ETS2: variants seen among roughly 807,000 people sequenced by gnomAD.
The protein encoded by ETS2 is protein C-ets-2.
ETS2 carries 19 observed loss-of-function variants against 54.9 expected under a neutral mutation model. The observed-to-expected ratio is 0.35, with a 90% CI of 0.24 to 0.51. ETS2 has a LOEUF of 0.51. ETS2 is among the 20% of genes least tolerant of loss of function. The pLI, the probability that ETS2 is intolerant of heterozygous loss-of-function variation, is 0.97. For synonymous variants in ETS2, 219 were observed against 229.3 expected (o/e 0.95, Z 0.41); for missense variants, 417 against 593.0 (o/e 0.70, Z 3.08).
rs1454246531 is a variant in ETS2 at position 38,821,255 on chromosome 21, A to C, written c.1076-331A>C. Among the ~76,000 whole-genome samples, 1 of 152,182 alleles carries C rather than the reference A, an allele frequency of 6.6e-6. No homozygotes were observed. The highest frequency in any genetic ancestry group is 1.9e-4 in the East Asian group (1 of 5,182). ...TAAGGAACAATTAAACCAGATGGGG[A>C]ATTTTAATGCCAAGAGTTGGTGGCC... On this transcript the variant is annotated intron_variant, in intron 8 of 9. Coordinates refer to ENST00000360938, the MANE Select transcript of ETS2 (RefSeq NM_005239.6). The surrounding 1 kb of genome is among the most constrained non-coding windows in gnomAD (Gnocchi z 4.2).
chr21:38,821,581 C>T lies in ETS2; in HGVS notation c.1076-5C>T, dbSNP rs774869625. ...TATGATCCGTCTCCCTCCCTCTCCC[C>T]GCAGGAAGTGGACCTATTCAGCTGT... On this transcript the variant is annotated splice_region_variant and splice_polypyrimidine_tract_variant and intron_variant, in intron 8 of 9. Transcript: ENST00000360938. The surrounding 1 kb of genome is among the most constrained non-coding windows in gnomAD (Gnocchi z 4.2). 2.7e-5 allele frequency: 43 copies of T among 1,594,378 alleles called. No homozygotes were observed. Among genetic ancestry groups the T allele is most frequent in the East Asian group, 4.5e-5 (2 of 44,806 alleles).
chr21:38,811,917 C>T (rs2060915323), intron 2 of ETS2, among the ~76,000 whole-genome samples: 4 of 152,104 alleles, frequency 2.6e-5, no homozygotes, highest in South Asian at 2.1e-4. Flanking sequence ...GTGGCTTGAT[C>T]GTAGTTCACC....
intron 5 of ETS2, among the ~76,000 whole-genome samples, chr21:38,815,225 A>G (rs533561052): frequency 6.6e-6 from 1 of 151,978 alleles, no homozygotes; most frequent in Non-Finnish European, 1.5e-5. Flanking sequence ...TATAGCCACA[A>G]GGTAGTAGCC....
At chr21:38,816,843 G>T (rs2060937302) in intron 5 of ETS2, among the ~76,000 whole-genome samples, 165 bp from the exon 6 acceptor site, 1 of 151,946 alleles carries the variant, frequency 6.6e-6, no homozygotes, top group Non-Finnish European at 1.5e-5. Flanking sequence ...CTCGTTTTTT[G>T]AAAAAGACAG....
In ETS2 at chr21:38,823,076, C is replaced by T. The variant is rs1214598722; in HGVS notation, c.*187C>T. On this transcript the variant is annotated 3_prime_UTR_variant, in exon 10 of 10. Transcript: ENST00000360938. ...CAGGCTGCCTCCCTTGTGGCAGCAACGGCACAGCTAATTCTACTCACAGTG... is the reference window on the plus strand; with the variant it reads ...CAGGCTGCCTCCCTTGTGGCAGCAATGGCACAGCTAATTCTACTCACAGTG... 6.5e-6 allele frequency: 3 copies of T among 460,974 alleles called. No individual in the cohort carries two copies. The highest frequency in any genetic ancestry group is 1.1e-5 in the Non-Finnish European group (3 of 263,514). 28.6% of individuals were successfully genotyped at this position (460,974 alleles called of 1,614,324 possible).
intron 5 of ETS2, among the ~76,000 whole-genome samples, chr21:38,815,931 G>A (rs536922086): frequency 7.5e-6 from 1 of 132,530 alleles, no homozygotes; most frequent in South Asian, 2.7e-4. Flanking sequence ...GTGAGACTCT[G>A]TTGAAAGGAA....
At chr21:38,805,462 TG>T, upstream of ETS2, 1 of 1,288,352 alleles carries the variant, frequency 7.8e-7, no homozygotes, top group South Asian at 1.2e-5. The surrounding 1 kb of genome is among the most constrained non-coding windows in gnomAD (Gnocchi z 5.2). Context: ...GTTAGGGCCT[TG>T]GCCCCAGAGA....
chr21:38,807,588 G>A (rs531342559), intron 1 of ETS2, among the ~76,000 whole-genome samples: 2 of 152,092 alleles, frequency 1.3e-5, no homozygotes, highest in Non-Finnish European at 2.9e-5. Flanking sequence ...ATTTAGTAGA[G>A]CACTTTAATT....
At chr21:38,808,813 A>ACCC (rs2060903478) in intron 1 of ETS2, among the ~76,000 whole-genome samples, 1 of 152,210 alleles carries the variant, frequency 6.6e-6, no homozygotes, top group South Asian at 2.1e-4. Flanking sequence ...AGGTAAGAGC[A>ACCC]CCCAGTGGAG....
At position 38,813,116 on chromosome 21, in the gene ETS2, TAATTGGTTCCTCAGACTTGACA is replaced by T; in HGVS notation, c.184+8_184+29del. The T allele has an allele frequency of 1.3e-6, 2 of 1,583,694 alleles. No homozygotes were observed. The highest frequency in any genetic ancestry group is 1.7e-6 in the Non-Finnish European group (2 of 1,152,112). ...CAGGCTTGGATTCCATTTCTCATGGTAATTGGTTCCTCAGACTTGACAAATTGTGCATGATTTTCCTAAGTAG... is the reference window on the plus strand; with the variant it reads ...CAGGCTTGGATTCCATTTCTCATGGTAATTGTGCATGATTTTCCTAAGTAG... On this transcript the variant is annotated splice_donor_5th_base_variant and intron_variant, in intron 3 of 9. Coordinates refer to ENST00000360938, the MANE Select transcript of ETS2 (RefSeq NM_005239.6).
Position 38,823,167 on chromosome 21 carries a change from G to A in ETS2, c.*278G>A. 3.3e-6 allele frequency: 1 copy of A among 303,238 alleles called. No individual in the cohort carries two copies. Among genetic ancestry groups the A allele is most frequent in the Admixed American group, 5.0e-5 (1 of 19,902 alleles). The allele number at this position is 303,238 out of a possible 1,614,324, so 18.8% of individuals were successfully genotyped here. ...CGTCCTGGCGCCTGGCAGTCCGTGG[G>A]ACGGGATGGTTCTGGCTGTTTGAGA... On this transcript the variant is annotated 3_prime_UTR_variant, in exon 10 of 10. Coordinates refer to ENST00000360938, the MANE Select transcript of ETS2 (RefSeq NM_005239.6).
rs781109403 is a variant in ETS2, at chr21:38,819,569, T to C, written c.878T>C (p.Leu293Pro). 6.2e-6 allele frequency: 10 copies of C among 1,614,156 alleles called. No homozygotes were observed. In the South Asian group the frequency reaches 7.7e-5, roughly 12 times the overall value. The stretch of plus-strand genomic sequence containing the variant: ...AGCTTCGAGAGCTCAGACTCCCTCC[T>C]CCAGTCCTGGAACAGCCAGTCGTCC... The part of the protein sequence containing the change: ...ADSFESSDSL[L>P]QSWNSQSSLL... The change falls in exon 8 of 10, where the codon CTC becomes CCC. Residue 293 changes from leucine (L) to proline (P), a missense_variant. By Grantham distance (98) the Leu-to-Pro change is moderately conservative. Around this residue, in one of 3 missense-constraint regions of ETS2, gnomAD observed 326 missense variants for 426.1 expected, o/e 0.76. Coordinates refer to ENST00000360938, the MANE Select transcript of ETS2 (RefSeq NM_005239.6).
chr21:38,822,596 T>A, intron 9 of ETS2, 78 bp from the exon 10 acceptor site: 1 of 1,280,552 alleles, frequency 7.8e-7, no homozygotes, highest in Non-Finnish European at 1.1e-6. Context: ...CTCAGAATCA[T>A]AATCAGGGAG....
At chr21:38,810,250 A>C (rs1245000007) in intron 2 of ETS2, 144 bp downstream of exon 2, 2 of 537,798 alleles carry the variant, frequency 3.7e-6, no homozygotes, top group Non-Finnish European at 6.5e-6. Context: ...CTATTTGCTT[A>C]CTTGCTCTGG....
Position 38,821,990 on chromosome 21 carries a change from T to C in ETS2, c.1194+286T>C, listed in dbSNP as rs374575. 0.79 allele frequency among the ~76,000 whole-genome samples: 120,360 copies of C among 152,096 alleles called. 48,595 individuals are homozygous for C. Among genetic ancestry groups the C allele is most frequent in the African/African-American group, 0.94 (38,985 of 41,488 alleles). On this transcript the variant is annotated intron_variant, in intron 9 of 9. Transcript: ENST00000360938. This position sits in a 1 kb window ranked among gnomAD's most constrained non-coding sequence, Gnocchi z 4.2. ...CAAGCTGCAAACTGAGGTTCTCTGCTGACCATCTGAAAATGCCTTAGGAAG... is the reference window on the plus strand; with the variant it reads ...CAAGCTGCAAACTGAGGTTCTCTGCCGACCATCTGAAAATGCCTTAGGAAG...
Position 38,806,108 on chromosome 21 carries a change from CCGCAG to C in ETS2, c.-10_-6del, listed in dbSNP as rs2060891578. 27 of 1,058,356 alleles carry C rather than the reference CCGCAG, an allele frequency of 2.6e-5. No individual in the cohort carries two copies. Among genetic ancestry groups the C allele is most frequent in the Non-Finnish European group, 3.1e-5 (27 of 875,888 alleles). The allele number at this position is 1,058,356 out of a possible 1,614,324, so 65.6% of individuals were successfully genotyped here. On this transcript the variant is annotated 5_prime_UTR_variant, in exon 1 of 10. Coordinates refer to ENST00000360938, the MANE Select transcript of ETS2 (RefSeq NM_005239.6). This position sits in a 1 kb window ranked among gnomAD's most constrained non-coding sequence, Gnocchi z 4.3. ...CGTCCCGACCAAGCGCCGGCCCTGC[CCGCAG>C]CGGCAGGGTAAGAGCTGGGCCCGCA...
At chr21:38,812,596 C>G (rs780413768) in intron 2 of ETS2, among the ~76,000 whole-genome samples, 2 of 152,172 alleles carry the variant, frequency 1.3e-5, no homozygotes, top group African/African-American at 2.4e-5. Flanking sequence ...GCCTGGCCAA[C>G]ATGGTGAAAC....
intron 1 of ETS2, among the ~76,000 whole-genome samples, chr21:38,809,161 T>C (rs1041403996): frequency 6.6e-6 from 1 of 152,220 alleles, no homozygotes; most frequent in Non-Finnish European, 1.5e-5. Context: ...CGAAATATTA[T>C]GTATGTATAA....
chr21:38,818,474 C>G lies in ETS2; in HGVS notation c.639C>G (p.Pro213=), dbSNP rs200893699. 6.8e-6 allele frequency: 11 copies of G among 1,614,044 alleles called. 1 individual carries two copies. The East Asian group carries it at 2.2e-4, about 33-fold the overall frequency. ...ATGGAATGCAGACACAGAATTACCCCAAAGGCGGCCTCCTGGACAGCATGT... is the reference window on the plus strand; with the variant it reads ...ATGGAATGCAGACACAGAATTACCCGAAAGGCGGCCTCCTGGACAGCATGT... ...APYGMQTQNY[P]KGGLLDSMCP... The change falls in exon 7 of 10, where the codon CCC becomes CCG. Residue 213 remains proline, a synonymous_variant. Transcript: ENST00000360938.
Sources: gnomAD v4.1 joint callset for allele counts (sites outside exome capture counted in the v4.1 genomes callset) on GRCh38, gnomAD v4.1.1 for gene constraint, gnomAD v4.1.1 regional missense constraint, Gnocchi (gnomAD v3.1) non-coding constraint, MANE v1.5 for transcripts, NCBI Gene and HGNC (gene_info 2026-07-23, HGNC 2026-07-21) for gene names.